Variants in PTPRR observed in about 807,000 individuals in gnomAD.
PTPRR encodes receptor-type tyrosine-protein phosphatase R.
PTPRR carries 38 observed loss-of-function variants against 77.2 expected under a neutral mutation model. The ratio of observed to expected loss-of-function variants is 0.49; its 90% confidence interval spans 0.38 to 0.65. PTPRR has a LOEUF of 0.65. Ranked by LOEUF, PTPRR falls within the 30% of genes least tolerant of loss-of-function variation. The probability of loss-of-function intolerance (pLI) is 0.00; values close to 1 mark genes in which losing one functional copy is unlikely to be tolerated. For synonymous variants in PTPRR, 299 were observed against 283.1 expected (o/e 1.06, Z -0.57); for missense variants, 744 against 799.2 (o/e 0.93, Z 0.83).
chr12:70,913,042 ATTTAACAATAAACTT>A (rs2137138344), intron 1 of PTPRR, among the ~76,000 whole-genome samples: 1 of 152,240 alleles, frequency 6.6e-6, no homozygotes, highest in South Asian at 2.1e-4. Flanking sequence ...AACTTTTAAG[ATTTAACAATAAACTT>A]GCCATAAAAT....
intron 1 of PTPRR, among the ~76,000 whole-genome samples, chr12:70,901,005 G>T (rs1260841693): frequency 6.6e-6 from 1 of 151,462 alleles, no homozygotes; most frequent in Non-Finnish European, 1.5e-5. Flanking sequence ...TTGGATTTCA[G>T]AATATTTGCA....
intron 2 of PTPRR, among the ~76,000 whole-genome samples, chr12:70,807,484 C>A (rs372539630): frequency 6.6e-6 from 1 of 152,158 alleles, no homozygotes. Context: ...CTTCTCCCCC[C>A]ACCCCACCAG....
At chr12:70,705,555 C>T (rs561375315) in intron 6 of PTPRR, among the ~76,000 whole-genome samples, 8 of 151,808 alleles carry the variant, frequency 5.3e-5, no homozygotes, top group South Asian at 4.2e-4. Flanking sequence ...CTTGTAGTCC[C>T]GGAAGATGTA....
chr12:70,837,602 G>C (rs1369567478), intron 2 of PTPRR, among the ~76,000 whole-genome samples: 1 of 152,114 alleles, frequency 6.6e-6, no homozygotes, highest in Non-Finnish European at 1.5e-5. Context: ...AAGATGTATA[G>C]GGTGAGACAT....
At chr12:70,819,034 GAGA>G (rs953236399) in intron 2 of PTPRR, among the ~76,000 whole-genome samples, 1 of 152,178 alleles carries the variant, frequency 6.6e-6, no homozygotes, top group African/African-American at 2.4e-5. Context: ...AAAAAATAAA[GAGA>G]AGGTCAGGTG....
At position 70,796,376 on chromosome 12, in the gene PTPRR, A is replaced by G. The variant is rs148709905; in HGVS notation, c.358-31598T>C. The stretch of plus-strand genomic sequence containing the variant: ...CATTATAGTTTCCCTAGCCTTGTAA[A>G]CAAACATTGACTCTATGACTGTGAA... On this transcript the variant is annotated intron_variant, in intron 2 of 13. Transcript: ENST00000283228. Among the ~76,000 whole-genome samples the G allele has an allele frequency of 4.3e-3, 647 of 152,224 alleles. 7 individuals are homozygous for G. Among genetic ancestry groups the G allele is most frequent in the African/African-American group, 0.015 (623 of 41,548 alleles).
At chr12:70,913,074 T>C (rs112398298) in intron 1 of PTPRR, among the ~76,000 whole-genome samples, 58 of 152,246 alleles carry the variant, frequency 3.8e-4, no homozygotes, top group African/African-American at 1.4e-3. Context: ...AAATATAACA[T>C]CCGTGTTATC....
At chr12:70,884,827 G>C (rs1319113697) in intron 2 of PTPRR, among the ~76,000 whole-genome samples, 1 of 137,342 alleles carries the variant, frequency 7.3e-6, no homozygotes, top group Admixed American at 7.9e-5. Flanking sequence ...AGCCGAGATC[G>C]TGCCACTGCA....
rs1388673452 is a variant in PTPRR at position 70,638,357 on chromosome 12, A to G, written c.*827T>C. ...GCATATTCAAAAATCCCTTCTTAGC[A>G]AAAGAGAGACAAGTAGTTAAAACTC... is the stretch of plus-strand genomic sequence containing the variant. On this transcript the variant is annotated 3_prime_UTR_variant, in exon 14 of 14. Coordinates refer to ENST00000283228, the MANE Select transcript of PTPRR (RefSeq NM_002849.4). 1 of 152,514 alleles carries G rather than the reference A, an allele frequency of 6.6e-6. No individual in the cohort carries two copies. Among genetic ancestry groups the G allele is most frequent in the Non-Finnish European group, 1.5e-5 (1 of 68,022 alleles). 9.4% of individuals were successfully genotyped at this position (152,514 alleles called of 1,614,324 possible).
At chr12:70,796,606 T>C (rs1279475784) in intron 2 of PTPRR, among the ~76,000 whole-genome samples, 1 of 152,160 alleles carries the variant, frequency 6.6e-6, no homozygotes, top group African/African-American at 2.4e-5. Flanking sequence ...AAAACACATC[T>C]CTTCCATTGA....
intron 2 of PTPRR, among the ~76,000 whole-genome samples, chr12:70,776,100 C>A (rs1320993224): frequency 3.3e-5 from 5 of 152,142 alleles, no homozygotes; most frequent in Admixed American, 3.3e-4. Context: ...ATTACCCAAA[C>A]TGAACTTACC....
At chr12:70,660,342 C>T (rs537916591) in intron 12 of PTPRR, among the ~76,000 whole-genome samples, 4 of 152,256 alleles carry the variant, frequency 2.6e-5, no homozygotes, top group African/African-American at 7.2e-5. Context: ...GGAACCAGCA[C>T]AGACCCTGCT....
chr12:70,672,804 A>AAG, intron 10 of PTPRR: 3 of 1,565,572 alleles, frequency 1.9e-6, no homozygotes, highest in Non-Finnish European at 2.6e-6. Flanking sequence ...TCAAGAAGGG[A>AAG]GATGAAGTCC....
At chr12:70,784,235 G>C (rs1891272274) in intron 2 of PTPRR, among the ~76,000 whole-genome samples, 1 of 152,214 alleles carries the variant, frequency 6.6e-6, no homozygotes, top group Non-Finnish European at 1.5e-5. Flanking sequence ...AGGTTGCAGT[G>C]GTGGCCTGGA....
At chr12:70,789,933 G>C (rs1382510567) in intron 2 of PTPRR, among the ~76,000 whole-genome samples, 1 of 151,922 alleles carries the variant, frequency 6.6e-6, no homozygotes, top group Non-Finnish European at 1.5e-5. Flanking sequence ...AAATAAGTAG[G>C]CACAAATATT....
intron 10 of PTPRR, among the ~76,000 whole-genome samples, chr12:70,680,171 T>A (rs1220406519): frequency 6.6e-6 from 1 of 152,216 alleles, no homozygotes; most frequent in Admixed American, 6.5e-5. Flanking sequence ...CCTTCCCCCA[T>A]CCACAATTCA....
At chr12:70,745,685 T>A in intron 6 of PTPRR, 133 bp downstream of exon 6, 3 of 1,051,760 alleles carry the variant, frequency 2.9e-6, no homozygotes, top group Non-Finnish European at 2.7e-6. Flanking sequence ...GAAACACTAC[T>A]TCATCTGACT....
At chr12:70,684,966 A>C (rs1038625012) in intron 8 of PTPRR, 183 bp from the exon 9 acceptor site, 38 of 450,238 alleles carry the variant, frequency 8.4e-5, no homozygotes, top group Non-Finnish European at 1.3e-4. Flanking sequence ...GCCTGTCTTC[A>C]CTCCTGACAT....
chr12:70,910,410 TA>T (rs1893683578), intron 1 of PTPRR, among the ~76,000 whole-genome samples: 1 of 152,160 alleles, frequency 6.6e-6, no homozygotes, highest in Non-Finnish European at 1.5e-5. Flanking sequence ...TTTTCAATCC[TA>T]AAAGGTAAGG....
Sources: gnomAD v4.1 joint callset for allele counts (sites outside exome capture counted in the v4.1 genomes callset) on GRCh38, gnomAD v4.1.1 for gene constraint, MANE v1.5 for transcripts, NCBI Gene and HGNC (gene_info 2026-07-23, HGNC 2026-07-21) for gene names.